PBRM1: variants seen among roughly 807,000 people sequenced by gnomAD.
The protein encoded by PBRM1 is polybromo 1, also known as protein polybromo-1.
A neutral mutation model predicts 194.5 loss-of-function variants in PBRM1; 27 were observed. The ratio of observed to expected loss-of-function variants is 0.14; its 90% CI spans 0.10 to 0.19. The LOEUF (loss-of-function observed/expected upper bound fraction) is 0.19. Ranked by LOEUF, PBRM1 falls within the 10% of genes least tolerant of loss-of-function variation. PBRM1 has a pLI of 1.00. For synonymous variants in PBRM1, 655 were observed against 693.2 expected (o/e 0.94, Z 0.87); for missense variants, 1,466 against 2,077.2 (o/e 0.71, Z 5.72).
intron 2 of PBRM1, among the ~76,000 whole-genome samples, chr3:52,672,372 A>G (rs1284545101): frequency 2.6e-5 from 4 of 152,200 alleles, no homozygotes; most frequent in Admixed American, 6.5e-5. Context: ...ATGTAACACA[A>G]TATATTCACA....
rs148984751 is a variant in PBRM1 at position 52,648,132 on chromosome 3, C to T, written c.813+212G>A. Among the ~76,000 whole-genome samples the T allele has an allele frequency of 4.2e-3, 636 of 152,172 alleles. 3 individuals are homozygous for T. Among genetic ancestry groups the T allele is most frequent in the South Asian group, 0.023 (110 of 4,810 alleles). On this transcript the variant is annotated intron_variant, in intron 7 of 29. Coordinates refer to ENST00000296302, the Ensembl canonical transcript of PBRM1. ...CTATGTTGGCCAGGCTGGTCTGGAACGCCTGACCTCGTGATCCACCCACCT... is the reference window on the plus strand; with the variant it reads ...CTATGTTGGCCAGGCTGGTCTGGAATGCCTGACCTCGTGATCCACCCACCT...
intron 16 of PBRM1, among the ~76,000 whole-genome samples, chr3:52,608,549 G>A (rs181338827): frequency 1.3e-4 from 20 of 151,960 alleles, no homozygotes; most frequent in Admixed American, 1.3e-3. Context: ...TGATTTCATA[G>A]ATTCCCCAGC....
intron 22 of PBRM1, among the ~76,000 whole-genome samples, chr3:52,570,694 G>T: frequency 6.6e-6 from 1 of 152,154 alleles, no homozygotes; most frequent in Non-Finnish European, 1.5e-5. Flanking sequence ...GCTGGATTTT[G>T]ATTGGAATTG....
chr3:52,673,486 T>G (rs147286941), intron 2 of PBRM1, among the ~76,000 whole-genome samples: 1 of 142,308 alleles, frequency 7.0e-6, no homozygotes, highest in Non-Finnish European at 1.5e-5. Context: ...CTGGCCAATA[T>G]GGCAAAACTC....
At chr3:52,582,152 G>C (rs1290439453) in intron 20 of PBRM1, among the ~76,000 whole-genome samples, 1 of 147,738 alleles carries the variant, frequency 6.8e-6, no homozygotes, top group Non-Finnish European at 1.5e-5. Flanking sequence ...TAAGACAGGA[G>C]AATCACTTGA....
At chr3:52,635,604 T>C (rs1398310128) in intron 10 of PBRM1, among the ~76,000 whole-genome samples, 1 of 152,144 alleles carries the variant, frequency 6.6e-6, no homozygotes, top group East Asian at 1.9e-4. Flanking sequence ...CTCAAATGTT[T>C]ATTAAAGATA....
chr3:52,608,145 C>T (rs2094443428), intron 16 of PBRM1, among the ~76,000 whole-genome samples: 1 of 152,188 alleles, frequency 6.6e-6, no homozygotes, highest in South Asian at 2.1e-4. Context: ...AGTCCTGGCC[C>T]ATCCATCAGA....
In PBRM1 at chr3:52,609,432, G is replaced by T. The variant is rs1326243655; in HGVS notation, c.2448C>A (p.Asn816Lys). The T allele has an allele frequency of 6.2e-7, 1 of 1,613,948 alleles. No individual in the cohort carries two copies. Residue 816 changes from asparagine (N) to lysine (K), a missense_variant, in exon 16 of 30, where the codon AAC (asparagine) becomes AAA (lysine). Coordinates refer to ENST00000296302, the Ensembl canonical transcript of PBRM1. This position sits in a 1 kb window ranked among gnomAD's most constrained non-coding sequence, Gnocchi z 4.1. The stretch of plus-strand genomic sequence containing the variant: ...TTATGTCAAATGTAAGGGGTGGTTT[G>T]TTAGGAAAGTTGGGATCCACAGCAG...
chr3:52,661,840 C>A (rs2096731722), intron 4 of PBRM1, among the ~76,000 whole-genome samples: 1 of 152,204 alleles, frequency 6.6e-6, no homozygotes, highest in Admixed American at 6.5e-5. Flanking sequence ...TGTAGCAATA[C>A]TGGACTAATC....
chr3:52,591,800 C>T (rs1315893953), intron 17 of PBRM1, among the ~76,000 whole-genome samples: 1 of 136,658 alleles, frequency 7.3e-6, no homozygotes, highest in Non-Finnish European at 1.6e-5. Flanking sequence ...TTACAGGCGT[C>T]AGCCACTGCG....
chr3:52,601,705 G>C (rs369310541), intron 17 of PBRM1, among the ~76,000 whole-genome samples: 4 of 152,226 alleles, frequency 2.6e-5, no homozygotes, highest in African/African-American at 9.6e-5. Flanking sequence ...ACTGGTGTTA[G>C]CAGGTCCAGG....
intron 15 of PBRM1, among the ~76,000 whole-genome samples, chr3:52,614,297 C>T (rs1370178190): frequency 7.2e-6 from 1 of 138,036 alleles, no homozygotes; most frequent in African/African-American, 2.6e-5. Flanking sequence ...TCACTTGAAC[C>T]TGGGAGGCAG....
At chr3:52,628,830 T>G (rs2095527824) in intron 12 of PBRM1, 64 bp downstream of exon 13, 7 of 1,482,222 alleles carry the variant, frequency 4.7e-6, no homozygotes, top group Non-Finnish European at 6.6e-6. Context: ...TAGAACACAC[T>G]CAAAACATGC....
At chr3:52,549,130 G>A (rs1037628956) in intron 29 of PBRM1, among the ~76,000 whole-genome samples, 6 of 150,666 alleles carry the variant, frequency 4.0e-5, no homozygotes, top group African/African-American at 1.5e-4. Context: ...AATGATTCTC[G>A]TGCCTCAGCC....
chr3:52,568,395 C>T (rs2086017507), intron 22 of PBRM1, among the ~76,000 whole-genome samples: 1 of 152,146 alleles, frequency 6.6e-6, no homozygotes, highest in Non-Finnish European at 1.5e-5. Flanking sequence ...AGATCTTTGT[C>T]TATGATAAAC....
At chr3:52,583,569 G>A (rs529859591) in intron 20 of PBRM1, among the ~76,000 whole-genome samples, 80 of 151,966 alleles carry the variant, frequency 5.3e-4, no homozygotes, top group Admixed American at 4.3e-3. Flanking sequence ...CCTTCTTTCC[G>A]TAAATTATCT....
At chr3:52,586,792 A>C in intron 19 of PBRM1, 104 bp from the exon 22 acceptor site, 1 of 798,452 alleles carries the variant, frequency 1.3e-6, no homozygotes, top group Non-Finnish European at 2.0e-6. Flanking sequence ...AACCAAACAA[A>C]AGCTGAACTG....
rs1293640241 is a variant in PBRM1 at position 52,609,427 on chromosome 3, G to A, written c.2453C>T (p.Pro818Leu). 3 of 1,613,812 alleles carry A rather than the reference G, an allele frequency of 1.9e-6. No homozygotes were observed. Among genetic ancestry groups the A allele is most frequent in the Non-Finnish European group, 2.5e-6 (3 of 1,179,734 alleles). Residue 818 changes from proline (P) to leucine (L), a missense_variant, in exon 16 of 30, where the codon CCA becomes CTA. Physicochemically the swap from Pro to Leu is moderately conservative, Grantham distance 98. This residue lies in a region of PBRM1 where 687 missense variants were observed against 946.2 expected (regional missense o/e 0.73). Coordinates refer to ENST00000296302, the Ensembl canonical transcript of PBRM1. The surrounding 1 kb of genome is among the most constrained non-coding windows in gnomAD (Gnocchi z 4.1). ...CCTAATTATGTCAAATGTAAGGGGTGGTTTGTTAGGAAAGTTGGGATCCAC... is the reference window on the plus strand; with the variant it reads ...CCTAATTATGTCAAATGTAAGGGGTAGTTTGTTAGGAAAGTTGGGATCCAC...
rs199643728 is a variant in PBRM1, at chr3:52,563,417, C to T, written c.3952G>A (p.Glu1318Lys). ...ATATCATCATCTCCACCTTCTAACT[C>T]GGCAAATTTAGCTTCTAGCAACTGG... is the stretch of plus-strand genomic sequence containing the variant. Residue 1318 changes from glutamate (E) to lysine (K), a missense_variant, in exon 24 of 30, where the codon GAG becomes AAG. Physicochemically the swap from Glu to Lys is moderately conservative, Grantham distance 56 (BLOSUM62 1). Around this residue, in one of 5 missense-constraint regions of PBRM1, gnomAD observed 687 missense variants for 946.2 expected, o/e 0.73. Coordinates refer to ENST00000296302, the Ensembl canonical transcript of PBRM1. 191 of 1,613,830 alleles carry T rather than the reference C, an allele frequency of 1.2e-4. No homozygotes were observed. Among genetic ancestry groups the T allele is most frequent in the Non-Finnish European group, 1.4e-4 (163 of 1,179,892 alleles).
Sources: gnomAD v4.1 joint callset for allele counts (sites outside exome capture counted in the v4.1 genomes callset) on GRCh38, gnomAD v4.1.1 for gene constraint, gnomAD v4.1.1 regional missense constraint, Gnocchi (gnomAD v3.1) non-coding constraint, MANE v1.5 for transcripts, NCBI Gene and HGNC (gene_info 2026-07-23, HGNC 2026-07-21) for gene names.